Variants in WWOX observed in about 807,000 individuals in gnomAD.
The protein encoded by WWOX is WW domain containing oxidoreductase.
A neutral mutation model predicts 46.2 loss-of-function variants in WWOX; 69 were observed. The observed-to-expected ratio is 1.49, with a 90% CI of 1.23 to 1.82. The LOEUF is 1.82. Ranked by LOEUF, WWOX falls within the 40% of genes most tolerant of loss-of-function variation. WWOX has a pLI of 0.00. For missense variants in WWOX, 919 were observed against 542.6 expected (o/e 1.69, Z -6.89); for synonymous variants, 359 against 202.6 (o/e 1.77, Z -6.56).
chr16:78,261,041 C>T (rs2151836680), intron 5 of WWOX, among the ~76,000 whole-genome samples: 1 of 148,826 alleles, frequency 6.7e-6, no homozygotes, highest in Admixed American at 6.7e-5. Context: ...TGGTTTTAAT[C>T]AAATATGATG....
intron 8 of WWOX, among the ~76,000 whole-genome samples, chr16:78,585,688 T>TTTTTTTTTG (rs1160368184): frequency 9.0e-6 from 1 of 111,204 alleles, no homozygotes; most frequent in African/African-American, 4.9e-5. Flanking sequence ...TTTTTTTTTG[T>TTTTTTTTTG]TTTTTTTTGT....
chr16:78,438,180 C>A (rs116396766), intron 8 of WWOX, among the ~76,000 whole-genome samples: 1 of 152,240 alleles, frequency 6.6e-6, no homozygotes, highest in Admixed American at 6.5e-5. Context: ...TCATTAATTT[C>A]TCATAATTTC....
chr16:78,227,440 T>C (rs12921210), intron 5 of WWOX, among the ~76,000 whole-genome samples: 193 of 152,300 alleles, frequency 1.3e-3, no homozygotes, highest in Non-Finnish European at 2.2e-3. Context: ...TCTGAAAATA[T>C]CTCTCATTCT....
chr16:78,905,925 C>A (rs190955953), intron 8 of WWOX, among the ~76,000 whole-genome samples: 79 of 152,258 alleles, frequency 5.2e-4, no homozygotes, highest in African/African-American at 1.7e-3. Context: ...TCCTTCCCAC[C>A]TATGTTGATT....
At chr16:78,597,760 GTATA>G (rs66672636) in intron 8 of WWOX, among the ~76,000 whole-genome samples, 24,388 of 144,710 alleles carry the variant, frequency 0.17, 2,321 homozygotes, top group African/African-American at 0.28. Flanking sequence ...ATTTATATGT[GTATA>G]TATATATATA....
At chr16:79,069,894 T>G (rs778874084) in intron 8 of WWOX, among the ~76,000 whole-genome samples, 29 of 152,334 alleles carry the variant, frequency 1.9e-4, no homozygotes, top group Middle Eastern at 3.4e-3. Flanking sequence ...ACACCTTGTT[T>G]CAAATTTTTT....
chr16:78,458,091 G>A (rs969617626), intron 8 of WWOX, among the ~76,000 whole-genome samples: 1 of 151,632 alleles, frequency 6.6e-6, no homozygotes, highest in Non-Finnish European at 1.5e-5. Context: ...TTAGTAAGTT[G>A]CCTGACTTCT....
chr16:78,702,817 C>T (rs76919001), intron 8 of WWOX, among the ~76,000 whole-genome samples: 3,685 of 152,168 alleles, frequency 0.024, 159 homozygotes, highest in African/African-American at 0.085. Flanking sequence ...TGCTGCGGGT[C>T]GAGGGAAACA....
chr16:78,137,290 G>C (rs1452597562), intron 4 of WWOX, among the ~76,000 whole-genome samples: 1 of 152,122 alleles, frequency 6.6e-6, no homozygotes, highest in East Asian at 1.9e-4. Context: ...CTCACCCTCC[G>C]ATAACTAGAC....
At chr16:78,635,715 G>T (rs1237654303) in intron 8 of WWOX, among the ~76,000 whole-genome samples, 4 of 152,108 alleles carry the variant, frequency 2.6e-5, no homozygotes, top group African/African-American at 9.7e-5. Flanking sequence ...CATCATCTCC[G>T]TCCACATCAA....
At chr16:78,263,605 T>C (rs1282087702) in intron 5 of WWOX, among the ~76,000 whole-genome samples, 1 of 151,792 alleles carries the variant, frequency 6.6e-6, no homozygotes, top group Admixed American at 6.6e-5. Context: ...GACTTTGTGA[T>C]GGGGCTGTCA....
intron 8 of WWOX, among the ~76,000 whole-genome samples, chr16:78,781,253 G>A (rs989702335): frequency 1.3e-5 from 2 of 152,132 alleles, no homozygotes; most frequent in Non-Finnish European, 2.9e-5. Context: ...CTGGAACTGG[G>A]CACTCAGCTA....
intron 5 of WWOX, among the ~76,000 whole-genome samples, chr16:78,310,551 G>A (rs1465531636): frequency 6.6e-6 from 1 of 152,208 alleles, no homozygotes; most frequent in African/African-American, 2.4e-5. Flanking sequence ...GTAAGACTTA[G>A]TGGTCACCAG....
chr16:78,190,866 C>G (rs993165881), intron 5 of WWOX, among the ~76,000 whole-genome samples: 23 of 152,138 alleles, frequency 1.5e-4, no homozygotes, highest in African/African-American at 5.3e-4. Flanking sequence ...GTTCGCTATA[C>G]TTTAGTTCCC....
At chr16:78,962,901 C>A (rs992589128) in intron 8 of WWOX, among the ~76,000 whole-genome samples, 3 of 152,180 alleles carry the variant, frequency 2.0e-5, no homozygotes, top group African/African-American at 7.2e-5. Context: ...AGTACGCATT[C>A]TTTGCTGTCT....
intron 8 of WWOX, among the ~76,000 whole-genome samples, chr16:79,029,010 C>T (rs1241144468): frequency 1.3e-5 from 2 of 149,592 alleles, no homozygotes; most frequent in Non-Finnish European, 2.9e-5. Flanking sequence ...AAAATAAGCA[C>T]AATACAAATT....
At chr16:78,361,837 CCTCTT>C (rs1185222421) in intron 5 of WWOX, among the ~76,000 whole-genome samples, 3 of 152,094 alleles carry the variant, frequency 2.0e-5, no homozygotes, top group South Asian at 4.1e-4. Context: ...GTCTCAAACT[CCTCTT>C]CTCTGGTGAT....
rs111893242 is a variant in WWOX at position 78,623,568 on chromosome 16, G to A, written c.1056+190816G>A. On this transcript the variant is annotated intron_variant, in intron 8 of 8. Transcript: ENST00000566780. The stretch of plus-strand genomic sequence containing the variant: ...GGTGGCGCATGCTTGTAGTCCCAGC[G>A]ACTTGAGAGGCTGAGGGATGAGAAT... Among the ~76,000 whole-genome samples, 34 of 152,008 alleles carry A rather than the reference G, an allele frequency of 2.2e-4. No homozygotes were observed. The Middle Eastern group carries it at 0.01, about 46-fold the overall frequency.
chr16:78,573,241 G>A (rs932152506), intron 8 of WWOX, among the ~76,000 whole-genome samples: 3 of 152,162 alleles, frequency 2.0e-5, no homozygotes, highest in African/African-American at 4.8e-5. Context: ...AGCCGAGATC[G>A]TGCCACTGCA....
Sources: allele counts gnomAD v4.1 joint callset (sites outside exome capture counted in the v4.1 genomes callset), GRCh38; gene constraint gnomAD v4.1.1; transcripts MANE v1.5; gene names NCBI Gene and HGNC (gene_info 2026-07-23, HGNC 2026-07-21).